Variants in KSR1 observed in about 807,000 individuals in gnomAD.
KSR1 encodes kinase suppressor of ras.
Under a neutral mutation model 92.9 loss-of-function variants are expected in KSR1, and 35 were observed. That is an observed-to-expected ratio of 0.38 (90% CI 0.29 to 0.50). KSR1 has a LOEUF of 0.50. KSR1 is among the 20% of genes least tolerant of loss of function. The pLI is 0.94. For synonymous variants in KSR1, 467 were observed against 472.6 expected (o/e 0.99, Z 0.15); for missense variants, 972 against 1,158.5 (o/e 0.84, Z 2.34).
At chr17:27,601,923 TC>T in intron 11 of KSR1, 1 of 1,609,526 alleles carries the variant, frequency 6.2e-7, no homozygotes. Flanking sequence ...TGGAAATGCC[TC>T]CTTATTGCAG....
At chr17:27,497,820 C>T (rs1004359964) in intron 1 of KSR1, among the ~76,000 whole-genome samples, 9 of 152,120 alleles carry the variant, frequency 5.9e-5, no homozygotes, top group Admixed American at 5.9e-4. Flanking sequence ...CAAGGAGGGC[C>T]AGCAGTATTG....
intron 1 of KSR1, among the ~76,000 whole-genome samples, chr17:27,472,335 T>A (rs930835067): frequency 4.4e-4 from 67 of 152,320 alleles, no homozygotes; most frequent in Non-Finnish European, 7.8e-4. Context: ...TAGCGAGGTG[T>A]GGACCTCATG....
In KSR1 at chr17:27,583,113, C is replaced by T. The variant is rs1257502606; in HGVS notation, c.980+8C>T. ...TGACGTCTCCTCGATGAGGTGAGTGCTCCTTCTGGGCAGCTACCAAAAGTG... is the reference window on the plus strand; with the variant it reads ...TGACGTCTCCTCGATGAGGTGAGTGTTCCTTCTGGGCAGCTACCAAAAGTG... On this transcript the variant is annotated splice_region_variant and intron_variant, in intron 4 of 20. Coordinates refer to ENST00000644974, the MANE Select transcript of KSR1 (RefSeq NM_001394583.1). 2.0e-6 allele frequency: 3 copies of T among 1,520,550 alleles called. No homozygotes were observed. The highest frequency in any genetic ancestry group is 1.8e-6 in the Non-Finnish European group (2 of 1,130,646). The allele number at this position is 1,520,550 out of a possible 1,614,324, so 94.2% of individuals were successfully genotyped here. A position where few individuals can be genotyped will look rare whatever the true frequency, so the allele number is the denominator to read the frequency against.
chr17:27,470,142 A>C (rs2019912578), intron 1 of KSR1, among the ~76,000 whole-genome samples: 2 of 149,682 alleles, frequency 1.3e-5, no homozygotes, highest in South Asian at 4.2e-4. Flanking sequence ...TGCAGCCTGC[A>C]CCTTCCAGAT....
chr17:27,623,821 G>A lies in KSR1; in HGVS notation c.*429G>A. 1 of 529,352 alleles carries A rather than the reference G, an allele frequency of 1.9e-6. No homozygotes were observed. Among genetic ancestry groups the A allele is most frequent in the South Asian group, 3.0e-5 (1 of 33,804 alleles). 32.8% of individuals were successfully genotyped at this position (529,352 alleles called of 1,614,324 possible). On this transcript the variant is annotated 3_prime_UTR_variant, in exon 21 of 21. Coordinates refer to ENST00000644974, the MANE Select transcript of KSR1 (RefSeq NM_001394583.1). ...GTAATTGCAGCTGTTCTTGGGGTAG[G>A]GCGGGGAGCCCAGAAGGTCTGATCT...
At chr17:27,549,271 A>G (rs2071304749) in intron 1 of KSR1, among the ~76,000 whole-genome samples, 1 of 152,240 alleles carries the variant, frequency 6.6e-6, no homozygotes, top group African/African-American at 2.4e-5. Context: ...TTAGGAGGCC[A>G]CCAGAGTCTT....
chr17:27,603,637 C>G (rs1340746863), intron 11 of KSR1, among the ~76,000 whole-genome samples, 197 bp from the exon 12 acceptor site: 1 of 152,220 alleles, frequency 6.6e-6, no homozygotes, highest in African/African-American at 2.4e-5. Flanking sequence ...TATGCAGAAG[C>G]AGGTGCTGTG....
At chr17:27,589,727 A>G (rs1280022952) in intron 6 of KSR1, among the ~76,000 whole-genome samples, 2 of 152,098 alleles carry the variant, frequency 1.3e-5, no homozygotes, top group African/African-American at 4.8e-5. Context: ...TCTGGAGGAC[A>G]CCACCCACTC....
chr17:27,596,093 A>G (rs2073336601), intron 9 of KSR1, among the ~76,000 whole-genome samples: 1 of 152,194 alleles, frequency 6.6e-6, no homozygotes, highest in African/African-American at 2.4e-5. Context: ...CTTCATTTTT[A>G]TGTAATCATC....
chr17:27,585,726 C>T (rs1028155561), intron 5 of KSR1, 65 bp downstream of exon 5: 7 of 734,148 alleles, frequency 9.5e-6, no homozygotes, highest in African/African-American at 1.7e-5. Flanking sequence ...CTGTCCCCAT[C>T]GGGGGTGGAC....
At chr17:27,493,367 C>T (rs1168300510) in intron 1 of KSR1, among the ~76,000 whole-genome samples, 2 of 152,314 alleles carry the variant, frequency 1.3e-5, no homozygotes, top group Middle Eastern at 3.4e-3. Flanking sequence ...AATTCTGAGG[C>T]AAAGGCTGTG....
intron 11 of KSR1, 121 bp from the exon 12 acceptor site, chr17:27,603,713 C>A: frequency 1.0e-6 from 1 of 963,684 alleles, no homozygotes; most frequent in Non-Finnish European, 1.6e-6. Context: ...GTCTGGGGAA[C>A]ATGTGGCAGT....
intron 1 of KSR1, among the ~76,000 whole-genome samples, chr17:27,547,784 C>T (rs1453649452): frequency 6.6e-6 from 1 of 152,182 alleles, no homozygotes; most frequent in African/African-American, 2.4e-5. Flanking sequence ...ATGATCTTGG[C>T]TTCCTGCAAC....
At chr17:27,587,026 C>T (rs1209711628) in intron 5 of KSR1, 1 of 152,212 alleles carries the variant, frequency 6.6e-6, no homozygotes, top group Non-Finnish European at 1.5e-5. Flanking sequence ...GTGCCTGCCA[C>T]CACACATGGC....
intron 18 of KSR1, among the ~76,000 whole-genome samples, chr17:27,614,400 G>A (rs778568440): frequency 7.9e-5 from 12 of 152,178 alleles, no homozygotes; most frequent in East Asian, 3.8e-4. Flanking sequence ...GATATTCTTC[G>A]TTCTGCCCTC....
Position 27,518,594 on chromosome 17 carries a change from C to T in KSR1, c.232-31974C>T, listed in dbSNP as rs551714592. 4.6e-5 allele frequency among the ~76,000 whole-genome samples: 7 copies of T among 152,290 alleles called. No homozygotes were observed. The South Asian group carries it at 1.2e-3, about 27-fold the overall frequency. On this transcript the variant is annotated intron_variant, in intron 1 of 20. Coordinates refer to ENST00000644974, the MANE Select transcript of KSR1 (RefSeq NM_001394583.1). The stretch of plus-strand genomic sequence containing the variant: ...CGGGGAGCTCAGAGCCTGACCTTGC[C>T]AGGCTCTTGCAATCTGGGTCGGTGG...
At chr17:27,608,138 C>T (rs942296093) in intron 15 of KSR1, 128 bp downstream of exon 15, 19 of 651,654 alleles carry the variant, frequency 2.9e-5, no homozygotes, top group Admixed American at 2.5e-5. Flanking sequence ...AGCTCAGGCT[C>T]CTCAAGGGTG....
Position 27,611,594 on chromosome 17 carries a change from G to A in KSR1, c.2458G>A (p.Val820Ile). The change falls in exon 18 of 21, where the codon GTC (valine) becomes ATC (isoleucine). Residue 820 changes from valine (V) to isoleucine (I), a missense_variant. Transcript: ENST00000644974. The stretch of plus-strand genomic sequence containing the variant: ...TGGAAGCGGGGAAGGAATGAAGCGT[G>A]TCCTGACTTCTGTCAGCTTGGGGAA... ...QIGSGEGMKR[V>I]LTSVSLGKEV... 2 of 1,613,864 alleles carry A rather than the reference G, an allele frequency of 1.2e-6. No individual in the cohort carries two copies. Among genetic ancestry groups the A allele is most frequent in the Non-Finnish European group, 1.7e-6 (2 of 1,179,800 alleles).
intron 14 of KSR1, among the ~76,000 whole-genome samples, chr17:27,607,649 G>A (rs2073796281): frequency 6.6e-6 from 1 of 152,196 alleles, no homozygotes; most frequent in African/African-American, 2.4e-5. Context: ...TTGATGCACT[G>A]TTTCCTGTTG....
Sources: gnomAD v4.1 joint callset for allele counts (sites outside exome capture counted in the v4.1 genomes callset) on GRCh38, gnomAD v4.1.1 for gene constraint, MANE v1.5 for transcripts, NCBI Gene and HGNC (gene_info 2026-07-23, HGNC 2026-07-21) for gene names.